The following SETD1A variants were observed in gnomAD, a reference collection of about 807,000 sequenced individuals.
SETD1A encodes histone-lysine N-methyltransferase SETD1A.
Under a neutral mutation model 149.9 loss-of-function variants are expected in SETD1A, and 29 were observed. The ratio of observed to expected loss-of-function variants is 0.19; its 90% CI spans 0.14 to 0.26. The LOEUF is 0.26. Ranked by LOEUF, SETD1A falls within the 10% of genes least tolerant of loss-of-function variation. The pLI is 1.00. For synonymous variants in SETD1A, 1,141 were observed against 968.5 expected, an observed-to-expected ratio of 1.18 and a Z score of -3.31; for missense variants, 2,109 against 2,353.1, an observed-to-expected ratio of 0.90 and a Z score of 2.15.
Position 30,974,522 on chromosome 16 carries a change from G to A in SETD1A, c.3358+2803G>A, listed in dbSNP as rs554828816. ...TAGTGGAGAGGCTCTGCAAAGCAGGGAGTGGCCTTGTATCACCAGGCCACC... is the reference window on the plus strand; with the variant it reads ...TAGTGGAGAGGCTCTGCAAAGCAGGAAGTGGCCTTGTATCACCAGGCCACC... On this transcript the variant is annotated intron_variant, in intron 13 of 18. Transcript: ENST00000262519. Among the ~76,000 whole-genome samples the A allele has an allele frequency of 3.9e-5, 6 of 152,250 alleles. No individual in the cohort carries two copies. In the South Asian group the frequency reaches 1.2e-3, roughly 32 times the overall value.
rs1243272520 is a variant in SETD1A, at chr16:30,980,202, G to C, written c.4408+8G>C. On this transcript the variant is annotated splice_region_variant and intron_variant, in intron 14 of 18. Transcript: ENST00000262519. The surrounding 1 kb of genome is among the most constrained non-coding windows in gnomAD (Gnocchi z 7.7). Reference sequence around the variant, plus strand: ...ACTGGGTCCATCACACAAATATCCTGAGTGTGGGCGGCCTTCCCCGGGCTT... The same window carrying C: ...ACTGGGTCCATCACACAAATATCCTCAGTGTGGGCGGCCTTCCCCGGGCTT... 6 of 1,590,448 alleles carry C rather than the reference G, an allele frequency of 3.8e-6. No homozygotes were observed. Among genetic ancestry groups the C allele is most frequent in the Non-Finnish European group, 4.3e-6 (5 of 1,166,908 alleles).
chr16:30,971,489 C>G lies in SETD1A; in HGVS notation c.3128C>G (p.Ser1043Cys). The stretch of plus-strand genomic sequence containing the variant: ...AGCAGCAGCTCTTCCAGCTCCTCAT[C>G]CTCCTCCTCCTCCTCGTCCTCATCC... ...SESSSSSSSS[S>C]SSSSSSSSSS... Residue 1043 changes from serine to cysteine, a missense_variant, in exon 13 of 19, where the codon TCC becomes TGC. By Grantham distance (112) the Ser-to-Cys change is moderately radical. Transcript: ENST00000262519. 1 of 1,573,912 alleles carries G rather than the reference C, an allele frequency of 6.4e-7. No individual in the cohort carries two copies. Among genetic ancestry groups the G allele is most frequent in the Non-Finnish European group, 8.6e-7 (1 of 1,156,688 alleles).
intron 10 of SETD1A, 84 bp downstream of exon 10, chr16:30,967,672 T>A: frequency 8.3e-7 from 1 of 1,201,754 alleles, no homozygotes; most frequent in South Asian, 1.2e-5. Context: ...AGGGGTCAGG[T>A]CGTCCTGAGG....
At chr16:30,959,768 CT>C (rs2056023597) in intron 3 of SETD1A, among the ~76,000 whole-genome samples, 1 of 120,990 alleles carries the variant, frequency 8.3e-6, no homozygotes, top group Non-Finnish European at 1.8e-5. Flanking sequence ...TTTTTTTTTA[CT>C]TTGTACACTT....
At chr16:30,976,963 T>C (rs2056292616) in intron 13 of SETD1A, among the ~76,000 whole-genome samples, 1 of 151,960 alleles carries the variant, frequency 6.6e-6, no homozygotes, top group African/African-American at 2.4e-5. Flanking sequence ...TCTCTTTTTT[T>C]TTTGAGATGG....
Position 30,979,139 on chromosome 16 carries a change from TC to T in SETD1A, c.3359-3del. ...CTCCTTTCCTTCCTATGTGCTTCCT[TC>T]CCAGGCCCCACGGAGGAGTCACCCC... On this transcript the variant is annotated splice_polypyrimidine_tract_variant and splice_region_variant and intron_variant, in intron 13 of 18. Transcript: ENST00000262519. 1 of 1,548,774 alleles carries T rather than the reference TC, an allele frequency of 6.5e-7. No homozygotes were observed. The highest frequency in any genetic ancestry group is 1.2e-5 in the South Asian group (1 of 81,872).
At chr16:30,973,569 C>T (rs1375648501) in intron 13 of SETD1A, among the ~76,000 whole-genome samples, 3 of 152,188 alleles carry the variant, frequency 2.0e-5, no homozygotes, top group Non-Finnish European at 2.9e-5. Flanking sequence ...GCACGAGAAT[C>T]GCTTGAACCC....
chr16:30,974,482 G>A (rs954871793), intron 13 of SETD1A, among the ~76,000 whole-genome samples: 5 of 152,174 alleles, frequency 3.3e-5, no homozygotes, highest in African/African-American at 9.7e-5. Context: ...GACCAGAGGC[G>A]AGAAGGGAAG....
In SETD1A at chr16:30,966,044, G is replaced by C. The variant is rs760980277; in HGVS notation, c.2163G>C (p.Pro721=). The stretch of plus-strand genomic sequence containing the variant: ...AGGCCTTCCTCCCGTTTCCACCCCC[G>C]CAGGAGGCAGCCTACGGCTTGCCGT... ...FGEAFLPFPP[P]QEAAYGLPYA... Residue 721 remains proline, a synonymous_variant, in exon 8 of 19, where the codon CCG becomes CCC. Coordinates refer to ENST00000262519, the MANE Select transcript of SETD1A (RefSeq NM_014712.3). 6.4e-7 allele frequency: 1 copy of C among 1,567,936 alleles called. No homozygotes were observed. The highest frequency in any genetic ancestry group is 8.6e-7 in the Non-Finnish European group (1 of 1,156,848).
In SETD1A at chr16:30,964,989, AGCCCAGCCG is replaced by A; in HGVS notation, c.1253_1261del (p.Ser418_Pro420del). ...TCTTACACCTCCTACCTGCCCCCCG[AGCCCAGCCG>A]GCCCACCGACCAGGACTACCGGCCT... On this transcript the variant is annotated inframe_deletion, in exon 7 of 19. Transcript: ENST00000262519. 1.9e-6 allele frequency: 3 copies of A among 1,613,676 alleles called. No individual in the cohort carries two copies. Among genetic ancestry groups the A allele is most frequent in the Non-Finnish European group, 2.5e-6 (3 of 1,179,928 alleles).
chr16:30,979,995 T>TCCGCCC lies in SETD1A; in HGVS notation c.4212_4217dup (p.Pro1411_Pro1412dup), dbSNP rs1471063804. 47 of 478,958 alleles carry TCCGCCC rather than the reference T, an allele frequency of 9.8e-5. No individual in the cohort carries two copies. The highest frequency in any genetic ancestry group is 1.3e-3 in the Middle Eastern group (2 of 1,490). The allele number at this position is 478,958 out of a possible 1,614,324, so 29.7% of individuals were successfully genotyped here. On this transcript the variant is annotated inframe_insertion, in exon 14 of 19. Transcript: ENST00000262519. The stretch of plus-strand genomic sequence containing the variant: ...GCTCCCACGCCCGGCGCCGCCGCCC[T>TCCGCCC]CCGCCCCCACCCCCGCCGCCACCGC...
intron 13 of SETD1A, among the ~76,000 whole-genome samples, chr16:30,973,516 G>A (rs999485986): frequency 6.6e-5 from 10 of 152,094 alleles, no homozygotes; most frequent in African/African-American, 1.9e-4. Flanking sequence ...TTAGCCAGAT[G>A]TGGTGTTGTG....
Position 30,979,216 on chromosome 16 carries a change from G to A in SETD1A, c.3430G>A (p.Ala1144Thr), listed in dbSNP as rs1380657156. ...ACCACCTGCTGGGCCCCCGGCCCCT[G>A]CCCCACGCCCCGATGAGCGTCCCTC... ...PEPPAGPPAPAPRPDERPSSP... is the reference protein window; with the variant it reads ...PEPPAGPPAPTPRPDERPSSP... The change falls in exon 14 of 19, where the codon GCC becomes ACC. Residue 1144 changes from alanine (A) to threonine (T), a missense_variant. By Grantham distance (58) the Ala-to-Thr change is moderately conservative. Coordinates refer to ENST00000262519, the MANE Select transcript of SETD1A (RefSeq NM_014712.3). 4 of 1,551,730 alleles carry A rather than the reference G, an allele frequency of 2.6e-6. No homozygotes were observed. Among genetic ancestry groups the A allele is most frequent in the Non-Finnish European group, 3.5e-6 (4 of 1,148,576 alleles).
In SETD1A at chr16:30,965,089, C is replaced by T; in HGVS notation, c.1347C>T (p.Pro449=). 1 of 1,611,442 alleles carries T rather than the reference C, an allele frequency of 6.2e-7. No homozygotes were observed. Among genetic ancestry groups the T allele is most frequent in the Non-Finnish European group, 8.5e-7 (1 of 1,179,784 alleles). Residue 449 remains proline, a synonymous_variant, in exon 7 of 19, where the codon CCC becomes CCT. Transcript: ENST00000262519. The stretch of plus-strand genomic sequence containing the variant: ...GTGGAGGCGGGGGTGGAGGAGGGCC[C>T]AGCCCTGAGAGAGAAGAAGTTCGGA... The part of the protein sequence containing the change: ...EPGGGGGGGG[P]SPEREEVRTS...
intron 12 of SETD1A, among the ~76,000 whole-genome samples, chr16:30,970,612 T>G (rs964074565): frequency 6.6e-6 from 1 of 152,128 alleles, no homozygotes; most frequent in African/African-American, 2.4e-5. Context: ...CTTTCTGTCC[T>G]TCTCCCTCTG....
chr16:30,965,633 G>T lies in SETD1A; in HGVS notation c.1752G>T (p.Glu584Asp), dbSNP rs764775860. The change falls in exon 8 of 19, where the codon GAG becomes GAT. Residue 584 changes from glutamate to aspartate, a missense_variant. Around this residue, in one of 8 missense-constraint regions of SETD1A, gnomAD observed 431 missense variants for 388.6 expected, o/e 1.11. Coordinates refer to ENST00000262519, the MANE Select transcript of SETD1A (RefSeq NM_014712.3). ...ASPCSSGDDMEISDDDRGGSP... is the reference protein window; with the variant it reads ...ASPCSSGDDMDISDDDRGGSP... ...CATGCTCTTCTGGAGACGACATGGA[G>T]ATCTCCGACGACGACCGGGGTGGCT... 27 of 1,611,530 alleles carry T rather than the reference G, an allele frequency of 1.7e-5. No homozygotes were observed. The South Asian group carries it at 3.0e-4, about 18-fold the overall frequency.
intron 17 of SETD1A, among the ~76,000 whole-genome samples, chr16:30,982,246 A>G (rs2056388519): frequency 6.6e-6 from 1 of 152,146 alleles, no homozygotes; most frequent in South Asian, 2.1e-4. Context: ...CATGCCTGTA[A>G]TCCGAGCACT....
In SETD1A at chr16:30,979,991, G is replaced by GCCCAAC; in HGVS notation, c.4208_4209insAACCCC (p.Pro1403_Pro1404insThrPro). 1 of 1,279,664 alleles carries GCCCAAC rather than the reference G, an allele frequency of 7.8e-7. No individual in the cohort carries two copies. Among genetic ancestry groups the GCCCAAC allele is most frequent in the Non-Finnish European group, 1.0e-6 (1 of 969,374 alleles). 79.3% of individuals were successfully genotyped at this position (1,279,664 alleles called of 1,614,324 possible). On this transcript the variant is annotated inframe_insertion, in exon 14 of 19. Coordinates refer to ENST00000262519, the MANE Select transcript of SETD1A (RefSeq NM_014712.3). Reference sequence around the variant, plus strand: ...CTCCGCTCCCACGCCCGGCGCCGCCGCCCTCCGCCCCCACCCCCGCCGCCA... The same window carrying GCCCAAC: ...CTCCGCTCCCACGCCCGGCGCCGCCGCCCAACCCCTCCGCCCCCACCCCCGCCGCCA...
At chr16:30,964,070 C>T (rs760048581) in intron 5 of SETD1A, 24 bp from the exon 6 acceptor site, 1 of 1,595,858 alleles carries the variant, frequency 6.3e-7, no homozygotes, top group Non-Finnish European at 8.6e-7. Flanking sequence ...ATTCCTCTCT[C>T]CTTGCCCTGC....
Sources: allele counts gnomAD v4.1 joint callset (sites outside exome capture counted in the v4.1 genomes callset), GRCh38; gene constraint gnomAD v4.1.1; regional missense constraint gnomAD v4.1.1; non-coding constraint Gnocchi (gnomAD v3.1); transcripts MANE v1.5; gene names NCBI Gene and HGNC (gene_info 2026-07-23, HGNC 2026-07-21).